ANKRD44: variants seen among roughly 807,000 people sequenced by gnomAD.
The protein encoded by ANKRD44 is ankyrin repeat domain 44.
In ANKRD44, 35 loss-of-function variants were observed where a neutral mutation model predicts 116.0. The observed-to-expected ratio is 0.30, with a 90% CI of 0.23 to 0.40. The LOEUF is 0.40. Among genes scored for constraint, ANKRD44 ranks in the 10% least tolerant of loss-of-function variants. ANKRD44 has a pLI of 1.00. For missense variants in ANKRD44, 1,014 were observed against 1,242.6 expected (o/e 0.82, Z 2.77); for synonymous variants, 435 against 461.8 (o/e 0.94, Z 0.74).
chr2:197,207,312 G>A (rs769460738), intron 1 of ANKRD44, among the ~76,000 whole-genome samples: 2 of 152,194 alleles, frequency 1.3e-5, no homozygotes, highest in Non-Finnish European at 2.9e-5. Flanking sequence ...TCTTACCAGA[G>A]TCCTCATTGT....
At chr2:197,124,273 C>A (rs1292348328) in intron 6 of ANKRD44, among the ~76,000 whole-genome samples, 1 of 152,120 alleles carries the variant, frequency 6.6e-6, no homozygotes, top group African/African-American at 2.4e-5. Flanking sequence ...ATCCCTGCCC[C>A]AACCTACTCT....
Position 197,001,795 on chromosome 2 carries a change from C to T in ANKRD44, c.2393G>A (p.Arg798His), listed in dbSNP as rs1188083148. The T allele has an allele frequency of 9.9e-6, 16 of 1,613,522 alleles. No homozygotes were observed. The highest frequency in any genetic ancestry group is 2.2e-5 in the East Asian group (1 of 44,842). Reference protein sequence around the residue: ...IEVLLEQKCFRKFIGNPFTPL... With the variant: ...IEVLLEQKCFHKFIGNPFTPL... ...AGTAAAGGGATTACCGATAAATTTG[C>T]GAAAACATTTTTGCTCCAAAAGTAC... Residue 798 changes from arginine (R) to histidine (H), a missense_variant, in exon 22 of 28, where the codon CGC (arginine) becomes CAC (histidine). Transcript: ENST00000282272.
chr2:197,167,987 A>G (rs62279229), intron 2 of ANKRD44, among the ~76,000 whole-genome samples: 8,679 of 152,326 alleles, frequency 0.057, 352 homozygotes, highest in South Asian at 0.094. Context: ...AGAGTTTTGC[A>G]AAAATGACTT....
chr2:197,256,146 T>G (rs1312524728), intron 1 of ANKRD44, among the ~76,000 whole-genome samples: 1 of 152,204 alleles, frequency 6.6e-6, no homozygotes, highest in Non-Finnish European at 1.5e-5. Flanking sequence ...CCATTTTCAT[T>G]TAATGCTCTA....
chr2:197,310,411 G>A (rs2084215828), intron 1 of ANKRD44, among the ~76,000 whole-genome samples, 167 bp downstream of exon 1: 2 of 147,312 alleles, frequency 1.4e-5, no homozygotes, highest in South Asian at 4.1e-4. Context: ...CGGCGGAGGG[G>A]AGCTGCCGCC....
At chr2:197,003,487 C>A (rs2076150174) in intron 21 of ANKRD44, among the ~76,000 whole-genome samples, 1 of 152,176 alleles carries the variant, frequency 6.6e-6, no homozygotes, top group African/African-American at 2.4e-5. Context: ...ATTTAAGAGT[C>A]TGTACAGGTA....
intron 4 of ANKRD44, among the ~76,000 whole-genome samples, chr2:197,126,818 G>A (rs6728335): frequency 0.01 from 1,533 of 147,214 alleles, 30 homozygotes; most frequent in African/African-American, 0.035. Flanking sequence ...GGCAAAAACC[G>A]CAATTACTTT....
chr2:196,973,519 G>T (rs1030649389), intron 21 of ANKRD44, among the ~76,000 whole-genome samples: 1 of 152,098 alleles, frequency 6.6e-6, no homozygotes, highest in Non-Finnish European at 1.5e-5. Flanking sequence ...ATGAACCGGA[G>T]ATTTAAAAAA....
rs60018972 is a variant in ANKRD44, at chr2:197,034,050, T to TAGAGAGAGAGAGAGAGAGAGAGAG, written c.1651-8807_1651-8784dup. Among the ~76,000 whole-genome samples the TAGAGAGAGAGAGAGAGAGAGAGAG allele has an allele frequency of 6.4e-4, 71 of 110,648 alleles. 5 individuals are homozygous for TAGAGAGAGAGAGAGAGAGAGAGAG. The highest frequency in any genetic ancestry group is 1.9e-3 in the South Asian group (5 of 2,644). 72.6% of individuals were successfully genotyped at this position (110,648 alleles called of 152,430 possible). On this transcript the variant is annotated intron_variant, in intron 16 of 27. Coordinates refer to ENST00000282272, the MANE Select transcript of ANKRD44 (RefSeq NM_001195144.2). ...TGTCTCAGGGGAGGCATATGAGGGC[T>TAGAGAGAGAGAGAGAGAGAGAGAG]AGAGAGAGAGAGAGAGAGAGAGAGA... is the stretch of plus-strand genomic sequence containing the variant.
chr2:197,140,314 T>G (rs2079330113), intron 3 of ANKRD44, among the ~76,000 whole-genome samples: 1 of 152,000 alleles, frequency 6.6e-6, no homozygotes, highest in Admixed American at 6.6e-5. Context: ...TTATCAGGCA[T>G]TAAAATATAT....
chr2:196,996,601 T>C (rs1322817239), intron 25 of ANKRD44, among the ~76,000 whole-genome samples: 1 of 152,116 alleles, frequency 6.6e-6, no homozygotes, highest in Admixed American at 6.6e-5. Context: ...GAGGGCAAGT[T>C]GGTCTAAAAA....
At chr2:196,969,727 T>C (rs2075701787) in intron 21 of ANKRD44, among the ~76,000 whole-genome samples, 2 of 152,218 alleles carry the variant, frequency 1.3e-5, no homozygotes, top group African/African-American at 4.8e-5. Context: ...CAATAAATAT[T>C]TATTTTAAGA....
chr2:197,211,724 A>G (rs1323203066), intron 1 of ANKRD44, among the ~76,000 whole-genome samples: 1 of 152,088 alleles, frequency 6.6e-6, no homozygotes, highest in Non-Finnish European at 1.5e-5. Context: ...TGCCCCAGGC[A>G]CCATGAGATG....
intron 1 of ANKRD44, among the ~76,000 whole-genome samples, chr2:197,236,373 A>T (rs1476288770): frequency 6.6e-6 from 1 of 152,072 alleles, no homozygotes; most frequent in Non-Finnish European, 1.5e-5. Context: ...TGAGGCTGCC[A>T]CTCACAGGTG....
downstream of ANKRD44, among the ~76,000 whole-genome samples, chr2:196,982,502 G>T (rs537746671): frequency 6.6e-6 from 1 of 152,204 alleles, no homozygotes; most frequent in African/African-American, 2.4e-5. Flanking sequence ...CATTGGGTAG[G>T]ACAGGAATGA....
intron 1 of ANKRD44, among the ~76,000 whole-genome samples, chr2:197,289,770 TG>T (rs1388973873): frequency 6.6e-6 from 1 of 152,162 alleles, no homozygotes; most frequent in Non-Finnish European, 1.5e-5. Flanking sequence ...ATCTTGATTA[TG>T]GGGGTGATTA....
At chr2:197,058,720 C>T (rs976660938) in intron 16 of ANKRD44, among the ~76,000 whole-genome samples, 3 of 152,194 alleles carry the variant, frequency 2.0e-5, no homozygotes, top group Non-Finnish European at 4.4e-5. Flanking sequence ...ATTTAAAATG[C>T]ATTTAGTCTC....
intron 8 of ANKRD44, 107 bp from the exon 9 acceptor site, chr2:197,110,951 T>A: frequency 1.3e-6 from 1 of 754,984 alleles, no homozygotes; most frequent in Non-Finnish European, 2.3e-6. Context: ...AAAACATTCA[T>A]TTATTTATTT....
At chr2:197,077,325 T>G (rs529195969) in intron 16 of ANKRD44, among the ~76,000 whole-genome samples, 3 of 152,180 alleles carry the variant, frequency 2.0e-5, no homozygotes, top group Non-Finnish European at 2.9e-5. Context: ...CACTTAACAC[T>G]TGTATCAAAG....
Sources: gnomAD v4.1 joint callset for allele counts (sites outside exome capture counted in the v4.1 genomes callset) on GRCh38, gnomAD v4.1.1 for gene constraint, MANE v1.5 for transcripts, NCBI Gene and HGNC (gene_info 2026-07-23, HGNC 2026-07-21) for gene names.